The following LNPEP variants were observed in gnomAD, a reference collection of about 807,000 sequenced individuals.
The protein encoded by LNPEP is leucyl and cystinyl aminopeptidase, also known as leucyl-cystinyl aminopeptidase.
A neutral mutation model predicts 120.6 loss-of-function variants in LNPEP; 64 were observed. That is an observed-to-expected ratio of 0.53 (90% CI 0.43 to 0.65). LNPEP has a LOEUF of 0.65. LNPEP is among the 30% of genes least tolerant of loss of function. LNPEP has a pLI of 0.00. For synonymous variants in LNPEP, 435 were observed against 425.4 expected (o/e 1.02, Z -0.28); for missense variants, 1,057 against 1,200.0 (o/e 0.88, Z 1.76).
At chr5:97,023,315 G>C (rs1165021227) in intron 14 of LNPEP, among the ~76,000 whole-genome samples, 1 of 151,790 alleles carries the variant, frequency 6.6e-6, no homozygotes, top group Admixed American at 6.6e-5. Context: ...GTGCAGTGGC[G>C]CGATCTCAGC....
At chr5:96,999,759 C>T (rs188672307) in intron 8 of LNPEP, among the ~76,000 whole-genome samples, 1 of 152,022 alleles carries the variant, frequency 6.6e-6, no homozygotes, top group East Asian at 1.9e-4. Context: ...TCATTGTCAA[C>T]CCCTGTCAAC....
intron 5 of LNPEP, among the ~76,000 whole-genome samples, chr5:96,993,570 A>G (rs1463828017): frequency 2.0e-5 from 3 of 152,160 alleles, no homozygotes; most frequent in Non-Finnish European, 4.4e-5. Flanking sequence ...ATTGATTGTA[A>G]AGGAATTAGG....
intron 13 of LNPEP, among the ~76,000 whole-genome samples, chr5:97,017,023 G>T (rs573119926): frequency 5.9e-5 from 9 of 152,246 alleles, no homozygotes; most frequent in Admixed American, 5.2e-4. Flanking sequence ...TGGGATTATT[G>T]AGTCATAACA....
intron 1 of LNPEP, among the ~76,000 whole-genome samples, chr5:96,970,557 C>A (rs571831714): frequency 1.3e-5 from 2 of 152,054 alleles, no homozygotes; most frequent in African/African-American, 4.8e-5. Context: ...TACCATGTTG[C>A]CACTGTTTTC....
At chr5:96,946,510 A>G (rs1235564609) in intron 1 of LNPEP, among the ~76,000 whole-genome samples, 1 of 152,240 alleles carries the variant, frequency 6.6e-6, no homozygotes, top group African/African-American at 2.4e-5. Context: ...GTTTTAATTA[A>G]TTACCAATTC....
intron 13 of LNPEP, 29 bp downstream of exon 13, chr5:97,015,124 C>A: frequency 6.8e-7 from 1 of 1,480,814 alleles, no homozygotes; most frequent in South Asian, 1.5e-5. Context: ...CAGCTTCTTG[C>A]TGTTTATCTT....
At chr5:96,989,450 T>A (rs1382908706) in intron 4 of LNPEP, among the ~76,000 whole-genome samples, 4 of 142,112 alleles carry the variant, frequency 2.8e-5, no homozygotes, top group Non-Finnish European at 6.1e-5. Flanking sequence ...TATATTATTA[T>A]ATATTAAGTA....
intron 4 of LNPEP, among the ~76,000 whole-genome samples, chr5:96,987,707 G>A (rs1363162104): frequency 6.6e-6 from 1 of 152,172 alleles, no homozygotes; most frequent in Non-Finnish European, 1.5e-5. Context: ...AGTGTAGACT[G>A]TAATATTAAG....
At chr5:96,966,065 A>G (rs1391288813) in intron 1 of LNPEP, among the ~76,000 whole-genome samples, 1 of 152,184 alleles carries the variant, frequency 6.6e-6, no homozygotes, top group Non-Finnish European at 1.5e-5. Context: ...ATTTAAAACA[A>G]TGTGCAAAAT....
Position 96,989,358 on chromosome 5 carries a change from TTA to T in LNPEP, c.1131+2695_1131+2696del, listed in dbSNP as rs557420749. ...TATATAATATATAATATATTATATA[TTA>T]TATATAATTATATATTATATATTAT... On this transcript the variant is annotated intron_variant, in intron 4 of 17. Coordinates refer to ENST00000231368, the MANE Select transcript of LNPEP (RefSeq NM_005575.3). Among the ~76,000 whole-genome samples the T allele has an allele frequency of 7.3e-3, 170 of 23,292 alleles. 3 individuals carry two copies. In the South Asian group the frequency reaches 0.074, roughly 10 times the overall value. The allele number at this position is 23,292 out of a possible 152,430, so 15.3% of individuals were successfully genotyped here. A position where few individuals can be genotyped will look rare whatever the true frequency, so the allele number is the denominator to read the frequency against.
intron 15 of LNPEP, among the ~76,000 whole-genome samples, chr5:97,025,145 G>T (rs1397495999): frequency 6.6e-6 from 1 of 152,178 alleles, no homozygotes; most frequent in Non-Finnish European, 1.5e-5. Context: ...CCAGAAGTAG[G>T]AGTGTCATAT....
At chr5:97,021,490 C>A (rs1453479217) in intron 13 of LNPEP, among the ~76,000 whole-genome samples, 1 of 152,028 alleles carries the variant, frequency 6.6e-6, no homozygotes, top group African/African-American at 2.4e-5. Flanking sequence ...GTTAAATATA[C>A]CTTTAATATT....
In LNPEP at chr5:97,022,373, G is replaced by A. The variant is rs747992426; in HGVS notation, c.2450G>A (p.Arg817Gln). 14 of 1,613,670 alleles carry A rather than the reference G, an allele frequency of 8.7e-6. No homozygotes were observed. The highest frequency in any genetic ancestry group is 2.2e-5 in the South Asian group (2 of 91,074). The change falls in exon 14 of 18, where the codon CGA (arginine) becomes CAA (glutamine). Residue 817 changes from arginine (R) to glutamine (Q), a missense_variant. Arg to Gln is a conservative substitution (Grantham distance 43). Coordinates refer to ENST00000231368, the MANE Select transcript of LNPEP (RefSeq NM_005575.3). ...ACTGATGAGGGCACTCCATCTATGC[G>A]AGAGCTTCGGTCAGCCCTGCTAGAG... ...TWTDEGTPSM[R>Q]ELRSALLEFA...
chr5:96,972,030 A>C (rs906704991), intron 1 of LNPEP, among the ~76,000 whole-genome samples: 2 of 152,042 alleles, frequency 1.3e-5, no homozygotes, highest in Non-Finnish European at 2.9e-5. Context: ...GTAATTTTTT[A>C]TTACATATTG....
At position 97,029,820 on chromosome 5, in the gene LNPEP, G is replaced by C. The variant is rs1369017190; in HGVS notation, c.*1287G>C. 6.6e-6 allele frequency: 1 copy of C among 152,144 alleles called. No homozygotes were observed. Among genetic ancestry groups the C allele is most frequent in the Non-Finnish European group, 1.5e-5 (1 of 68,008 alleles). 9.4% of individuals were successfully genotyped at this position (152,144 alleles called of 1,614,324 possible). A position where few individuals can be genotyped will look rare whatever the true frequency, so the allele number is the denominator to read the frequency against. ...AAAATGAGGGAGGATGTCCGAAACT[G>C]TATGGCATTTTACTCCTTCTGAAAG... On this transcript the variant is annotated 3_prime_UTR_variant, in exon 18 of 18. Transcript: ENST00000231368.
chr5:96,940,635 T>C lies in LNPEP; in HGVS notation c.19+4461T>C, dbSNP rs185561921. ...TGTACAGAAACTGTTCATAACTGTT[T>C]GCATGTCTACTAATTTAGTGTAATA... On this transcript the variant is annotated intron_variant, in intron 1 of 17. Transcript: ENST00000231368. 3.1e-3 allele frequency among the ~76,000 whole-genome samples: 465 copies of C among 152,372 alleles called. 3 individuals carry two copies. Among genetic ancestry groups the C allele is most frequent in the Non-Finnish European group, 4.8e-3 (324 of 68,036 alleles).
At chr5:97,001,094 C>T (rs1790640187) in intron 8 of LNPEP, among the ~76,000 whole-genome samples, 1 of 152,094 alleles carries the variant, frequency 6.6e-6, no homozygotes, top group Non-Finnish European at 1.5e-5. Context: ...AGGAAAGTAC[C>T]GTGATATGGC....
In LNPEP at chr5:96,936,086, C is replaced by T. The variant is rs984056393; in HGVS notation, c.-70C>T. Reference sequence around the variant, plus strand: ...GGCCGCGCTGGGCATGCTCAGTCAGCTGGGCCGCCTCAGCTCTCGGAGTAG... The same window carrying T: ...GGCCGCGCTGGGCATGCTCAGTCAGTTGGGCCGCCTCAGCTCTCGGAGTAG... On this transcript the variant is annotated 5_prime_UTR_variant, in exon 1 of 18. Transcript: ENST00000231368. 2.7e-6 allele frequency: 4 copies of T among 1,503,282 alleles called. No individual in the cohort carries two copies. The highest frequency in any genetic ancestry group is 2.1e-5 in the Admixed American group (1 of 47,892). 93.1% of individuals were successfully genotyped at this position (1,503,282 alleles called of 1,614,324 possible). A position where few individuals can be genotyped will look rare whatever the true frequency, so the allele number is the denominator to read the frequency against.
intron 1 of LNPEP, among the ~76,000 whole-genome samples, chr5:96,966,666 C>T (rs761388876): frequency 6.6e-6 from 1 of 151,856 alleles, no homozygotes; most frequent in Non-Finnish European, 1.5e-5. Flanking sequence ...GCCCTGTCTA[C>T]TTATATTATT....
Sources: gnomAD v4.1 joint callset for allele counts (sites outside exome capture counted in the v4.1 genomes callset) on GRCh38, gnomAD v4.1.1 for gene constraint, MANE v1.5 for transcripts, NCBI Gene and HGNC (gene_info 2026-07-23, HGNC 2026-07-21) for gene names.